Variants in XAF1 observed in about 807,000 individuals in gnomAD.
XAF1 encodes the protein XIAP-associated factor 1.
XAF1 carries 32 observed loss-of-function variants against 32.3 expected under a neutral mutation model. That is an observed-to-expected ratio of 0.99 (90% confidence interval 0.75 to 1.33). The LOEUF (loss-of-function observed/expected upper bound fraction) is 1.33. Among genes scored for constraint, XAF1 ranks in the 40% most tolerant of loss-of-function variants. XAF1 has a pLI of 0.00. For missense variants in XAF1, 379 were observed against 366.0 expected (o/e 1.04, Z -0.29); for synonymous variants, 120 against 125.9 (o/e 0.95, Z 0.31).
At chr17:6,758,313 G>A (rs1459858898) in intron 2 of XAF1, 89 bp downstream of exon 2, 6 of 1,547,500 alleles carry the variant, frequency 3.9e-6, no homozygotes, top group Non-Finnish European at 5.2e-6. Flanking sequence ...AGAGTTGGGG[G>A]ACGAGGGTCT....
chr17:6,770,571 C>A, intron 5 of XAF1, 72 bp from the exon 6 acceptor site: 1 of 1,239,072 alleles, frequency 8.1e-7, no homozygotes, highest in Non-Finnish European at 1.1e-6. Context: ...CTTGTGTTAT[C>A]TAGTCTACTG....
chr17:6,774,662 T>C lies in XAF1; in HGVS notation c.*1493T>C, dbSNP rs1462209013. On this transcript the variant is annotated 3_prime_UTR_variant, in exon 7 of 7. Transcript: ENST00000361842. The stretch of plus-strand genomic sequence containing the variant: ...TAAATCATTCTGTCATAAAGACATA[T>C]ATACACAAATGTTCACGGCAGCACT... 1.3e-5 allele frequency: 2 copies of C among 152,200 alleles called. No homozygotes were observed. Among genetic ancestry groups the C allele is most frequent in the African/African-American group, 4.8e-5 (2 of 41,436 alleles). 9.4% of individuals were successfully genotyped at this position (152,200 alleles called of 1,614,324 possible). A position where few individuals can be genotyped will look rare whatever the true frequency, so the allele number is the denominator to read the frequency against.
intron 3 of XAF1, among the ~76,000 whole-genome samples, chr17:6,760,033 C>T (rs1043559945): frequency 5.3e-5 from 8 of 152,210 alleles, no homozygotes; most frequent in Admixed American, 3.3e-4. Context: ...GGGCACAAGT[C>T]CTTGATCTGC....
At position 6,771,139 on chromosome 17, in the gene XAF1, T is replaced by C. The variant is rs939121279; in HGVS notation, c.849+155T>C. On this transcript the variant is annotated intron_variant, in intron 6 of 6. Transcript: ENST00000361842. ...CTGGGTGCCCAAATGCACTATCTCG[T>C]AGCACTTACCACCTGGTTTATTTGC... is the stretch of plus-strand genomic sequence containing the variant. 7 of 689,292 alleles carry C rather than the reference T, an allele frequency of 1.0e-5. No individual in the cohort carries two copies. The East Asian group carries it at 2.0e-4, about 19-fold the overall frequency. 42.7% of individuals were successfully genotyped at this position (689,292 alleles called of 1,614,324 possible).
Position 6,764,304 on chromosome 17 carries a change from C to T in XAF1, c.507+2064C>T, listed in dbSNP as rs150543067. On this transcript the variant is annotated intron_variant, in intron 5 of 6. Transcript: ENST00000361842. The stretch of plus-strand genomic sequence containing the variant: ...CCACCTCTTAACCATAGAGGAGCTT[C>T]CTATGTGCCTCTCTAAAGCCTATCC... Among the ~76,000 whole-genome samples the T allele has an allele frequency of 6.2e-3, 943 of 152,290 alleles. 12 individuals are homozygous for T. Among genetic ancestry groups the T allele is most frequent in the African/African-American group, 0.021 (885 of 41,548 alleles).
intron 4 of XAF1, chr17:6,761,786 C>T (rs1409750575): frequency 1.6e-6 from 2 of 1,257,168 alleles, no homozygotes; most frequent in Non-Finnish European, 2.1e-6. Context: ...TCAACCAACA[C>T]CTGGTCTGAT....
intron 1 of XAF1, 115 bp from the exon 2 acceptor site, chr17:6,757,974 C>T: frequency 7.0e-7 from 1 of 1,421,434 alleles, no homozygotes; most frequent in Non-Finnish European, 9.7e-7. Flanking sequence ...TCATCATCAT[C>T]ACATGTTCAG....
chr17:6,770,567 T>C, intron 5 of XAF1, 76 bp from the exon 6 acceptor site: 1 of 1,204,784 alleles, frequency 8.3e-7, no homozygotes, highest in Non-Finnish European at 1.2e-6. Flanking sequence ...ATTTCTTGTG[T>C]TATCTAGTCT....
chr17:6,768,223 A>C (rs1260624326), intron 5 of XAF1, among the ~76,000 whole-genome samples: 1 of 151,832 alleles, frequency 6.6e-6, no homozygotes, highest in East Asian at 1.9e-4. Context: ...TCCTGGGTTC[A>C]AGCAGTTCTC....
upstream of XAF1, chr17:6,755,513 C>T (rs879745413): frequency 1.0e-6 from 1 of 989,696 alleles, no homozygotes; most frequent in Non-Finnish European, 1.2e-6. Flanking sequence ...CTAAGGACCC[C>T]CAGGAGGATA....
At chr17:6,762,357 C>T in intron 5 of XAF1, 117 bp downstream of exon 5, 1 of 858,020 alleles carries the variant, frequency 1.2e-6, no homozygotes, top group East Asian at 2.7e-5. Context: ...TTAAAGGGTC[C>T]CATATTTATT....
intron 1 of XAF1, 178 bp downstream of exon 1, chr17:6,756,288 T>A: frequency 1.0e-6 from 1 of 998,572 alleles, no homozygotes; most frequent in South Asian, 2.0e-5. Flanking sequence ...AATCTCTGGG[T>A]GGGGGTGGGC....
In XAF1 at chr17:6,762,185, T is replaced by A; in HGVS notation, c.452T>A (p.Ile151Asn). ...GERISAPERE[I>N]YCHYCNQMIP... ...AGAATTTCAGCTCCTGAAAGGGAAA[T>A]CTACTGTCATTATTGCAACCAAATG... Residue 151 changes from isoleucine to asparagine, a missense_variant, in exon 5 of 7, where the codon ATC (isoleucine) becomes AAC (asparagine). By Grantham distance (149) the Ile-to-Asn change is moderately radical (BLOSUM62 -3). Transcript: ENST00000361842. 1.9e-6 allele frequency: 3 copies of A among 1,613,808 alleles called. No individual in the cohort carries two copies. Among genetic ancestry groups the A allele is most frequent in the Non-Finnish European group, 2.5e-6 (3 of 1,179,842 alleles).
In XAF1 at chr17:6,773,194, AATTCAAAAG is replaced by A; in HGVS notation, c.*29_*37del. On this transcript the variant is annotated 3_prime_UTR_variant, in exon 7 of 7. Coordinates refer to ENST00000361842, the MANE Select transcript of XAF1 (RefSeq NM_017523.5). ...GATTTGGAAAAGGAAAGGTACTACA[AATTCAAAAG>A]ATTTCACTTTTAACACTGGCATTCC... is the stretch of plus-strand genomic sequence containing the variant. 1.3e-6 allele frequency: 2 copies of A among 1,588,662 alleles called. No individual in the cohort carries two copies. The highest frequency in any genetic ancestry group is 1.7e-6 in the Non-Finnish European group (2 of 1,169,226).
intron 4 of XAF1, chr17:6,761,741 A>G (rs1975219634): frequency 1.1e-6 from 1 of 933,906 alleles, no homozygotes; most frequent in African/African-American, 1.7e-5. Flanking sequence ...ACAACACAAC[A>G]CAACACAGCT....
At chr17:6,769,305 AAGAT>A (rs933237825) in intron 5 of XAF1, among the ~76,000 whole-genome samples, 3 of 152,302 alleles carry the variant, frequency 2.0e-5, no homozygotes, top group Middle Eastern at 3.4e-3. Context: ...CTACAAAAAA[AAGAT>A]AGGTATGTGA....
intron 5 of XAF1, among the ~76,000 whole-genome samples, chr17:6,762,604 T>C (rs1313767069): frequency 6.6e-6 from 1 of 152,226 alleles, no homozygotes; most frequent in Middle Eastern, 3.2e-3. Context: ...GACTGTGAGC[T>C]TCCTGCAAAA....
In XAF1 at chr17:6,759,655, T is replaced by C. The variant is rs1173611332; in HGVS notation, c.169-7T>C. ...GTGTGTGTGTGTGTGTGTGTGTGTG[T>C]GTTTAGGTTGGGTGTACGATGTGTC... On this transcript the variant is annotated splice_polypyrimidine_tract_variant and splice_region_variant and intron_variant, in intron 2 of 6. Transcript: ENST00000361842. 4 of 1,612,734 alleles carry C rather than the reference T, an allele frequency of 2.5e-6. No individual in the cohort carries two copies. The South Asian group carries it at 3.3e-5, about 13-fold the overall frequency.
chr17:6,762,241 G>T lies in XAF1; in HGVS notation c.507+1G>T. 2 of 1,607,380 alleles carry T rather than the reference G, an allele frequency of 1.2e-6. No homozygotes were observed. Among genetic ancestry groups the T allele is most frequent in the Non-Finnish European group, 1.7e-6 (2 of 1,176,856 alleles). On this transcript the variant is annotated splice_donor_variant, in intron 5 of 6. Coordinates refer to ENST00000361842, the MANE Select transcript of XAF1 (RefSeq NM_017523.5). LOFTEE classifies it high-confidence loss of function. ...AGAAAATAAGTATTTCCACCATATG[G>T]TGAGTAGCACTTAGTAATTTTCTAA...
Sources: allele counts gnomAD v4.1 joint callset (sites outside exome capture counted in the v4.1 genomes callset), GRCh38; gene constraint gnomAD v4.1.1; transcripts MANE v1.5; gene names NCBI Gene and HGNC (gene_info 2026-07-23, HGNC 2026-07-21).